The following ADAMTSL1 variants were observed in gnomAD, a reference collection of about 807,000 sequenced individuals.
The protein encoded by ADAMTSL1 is ADAMTS-like protein 1.
Under a neutral mutation model 201.8 loss-of-function variants are expected in ADAMTSL1, and 126 were observed. The ratio of observed to expected loss-of-function variants is 0.62; its 90% confidence interval spans 0.54 to 0.72. The LOEUF (loss-of-function observed/expected upper bound fraction) is 0.72. Among genes scored for constraint, ADAMTSL1 ranks in the 30% least tolerant of loss-of-function variants. The pLI is 0.00. For synonymous variants in ADAMTSL1, 1,121 were observed against 903.4 expected (o/e 1.24, Z -4.32); for missense variants, 2,679 against 2,277.8 (o/e 1.18, Z -3.59).
intron 1 of ADAMTSL1, among the ~76,000 whole-genome samples, chr9:18,010,221 T>C (rs991584299): frequency 6.6e-5 from 10 of 151,994 alleles, no homozygotes; most frequent in African/African-American, 2.2e-4. Context: ...TTCTTAAAGT[T>C]TAAGCATTAG....
At chr9:18,896,077 T>G (rs1280983564) in intron 26 of ADAMTSL1, among the ~76,000 whole-genome samples, 6 of 152,140 alleles carry the variant, frequency 3.9e-5, no homozygotes, top group Non-Finnish European at 8.8e-5. Flanking sequence ...AAACAGAGTC[T>G]AAAAGAGTTG....
chr9:18,704,443 G>A (rs547241593), intron 13 of ADAMTSL1, among the ~76,000 whole-genome samples: 4 of 152,222 alleles, frequency 2.6e-5, no homozygotes, highest in East Asian at 3.9e-4. Flanking sequence ...TTTCTGATTC[G>A]AAAACAAAGT....
chr9:18,097,850 C>T (rs1245454728), intron 1 of ADAMTSL1, among the ~76,000 whole-genome samples: 2 of 150,856 alleles, frequency 1.3e-5, no homozygotes, highest in African/African-American at 4.8e-5. Flanking sequence ...ACTTTTTTCT[C>T]TTTTATGGTT....
intron 19 of ADAMTSL1, among the ~76,000 whole-genome samples, chr9:18,794,721 C>T (rs939656615): frequency 6.6e-6 from 1 of 151,862 alleles, no homozygotes; most frequent in Non-Finnish European, 1.5e-5. Context: ...ACAACCTCTG[C>T]CCCCCACGTT....
intron 8 of ADAMTSL1, among the ~76,000 whole-genome samples, chr9:18,661,126 A>T (rs1453933634): frequency 2.0e-5 from 3 of 152,182 alleles, no homozygotes; most frequent in Non-Finnish European, 2.9e-5. Context: ...AGAAATCCAC[A>T]GGACAATAAA....
At chr9:18,557,929 C>T (rs1485543468) in intron 3 of ADAMTSL1, among the ~76,000 whole-genome samples, 1 of 151,906 alleles carries the variant, frequency 6.6e-6, no homozygotes, top group African/African-American at 2.4e-5. Context: ...TTAAAAAGCA[C>T]AGAGGAATGG....
chr9:17,986,702 C>T (rs541415820), intron 1 of ADAMTSL1, among the ~76,000 whole-genome samples: 3 of 152,142 alleles, frequency 2.0e-5, no homozygotes, highest in Non-Finnish European at 4.4e-5. Flanking sequence ...TGCTAGCAAA[C>T]CCTAACTGAC....
intron 2 of ADAMTSL1, among the ~76,000 whole-genome samples, chr9:18,324,872 T>A (rs1336963932): frequency 6.6e-6 from 1 of 151,914 alleles, no homozygotes; most frequent in African/African-American, 2.4e-5. Context: ...ATATGTACAA[T>A]ACATATCTGA....
Position 18,886,166 on chromosome 9 carries a change from GTATATATATATATATATA to G in ADAMTSL1, c.4250-1636_4250-1619del, listed in dbSNP as rs751978972. The stretch of plus-strand genomic sequence containing the variant: ...TATATATACATGTGAGTGTGTATGT[GTATATATATATATATATA>G]TATATATATATATATATATATATAT... On this transcript the variant is annotated intron_variant, in intron 23 of 28. Transcript: ENST00000380548. Among the ~76,000 whole-genome samples the G allele has an allele frequency of 4.3e-4, 16 of 37,146 alleles. 1 individual carries two copies. The highest frequency in any genetic ancestry group is 1.9e-3 in the South Asian group (2 of 1,038). 24.4% of individuals were successfully genotyped at this position (37,146 alleles called of 152,430 possible).
rs143308386 is a variant in ADAMTSL1 at position 18,709,283 on chromosome 9, G to A, written c.1876+2235G>A. The stretch of plus-strand genomic sequence containing the variant: ...CGTGTATATTTTCAAGTCTTTGTTC[G>A]ACAGTAACATTTTACTGTATTATCA... On this transcript the variant is annotated intron_variant, in intron 14 of 28. Coordinates refer to ENST00000380548, the MANE Select transcript of ADAMTSL1 (RefSeq NM_001040272.6). Among the ~76,000 whole-genome samples the A allele has an allele frequency of 5.4e-3, 818 of 152,154 alleles. 6 individuals carry two copies. Among genetic ancestry groups the A allele is most frequent in the African/African-American group, 0.019 (775 of 41,526 alleles).
chr9:18,481,127 C>A (rs1285983311), intron 1 of ADAMTSL1, among the ~76,000 whole-genome samples: 2 of 152,190 alleles, frequency 1.3e-5, no homozygotes, highest in Admixed American at 1.3e-4. Context: ...AACAGACTCA[C>A]AAAGGCAAAG....
chr9:17,960,797 C>A (rs1375027099), intron 1 of ADAMTSL1, among the ~76,000 whole-genome samples: 1 of 152,144 alleles, frequency 6.6e-6, no homozygotes, highest in Non-Finnish European at 1.5e-5. Context: ...TACATTTTCC[C>A]AGAGCCTTCC....
chr9:18,142,350 A>G (rs1219080560), intron 1 of ADAMTSL1, among the ~76,000 whole-genome samples: 1 of 152,208 alleles, frequency 6.6e-6, no homozygotes, highest in East Asian at 1.9e-4. Context: ...GTGCTAACAA[A>G]GGACAAAGAA....
At chr9:18,442,836 C>G (rs900542930) in intron 2 of ADAMTSL1, among the ~76,000 whole-genome samples, 10 of 152,190 alleles carry the variant, frequency 6.6e-5, no homozygotes, top group African/African-American at 2.4e-4. Flanking sequence ...GTCATTTGGT[C>G]GGTGCTGCCC....
At chr9:18,364,639 C>A (rs964714261) in intron 2 of ADAMTSL1, among the ~76,000 whole-genome samples, 29 of 135,918 alleles carry the variant, frequency 2.1e-4, no homozygotes, top group Non-Finnish European at 3.2e-4. Flanking sequence ...TGTATTAGGT[C>A]ATTCTTGTAC....
chr9:18,067,028 CCTAATG>C (rs754523713), intron 1 of ADAMTSL1, among the ~76,000 whole-genome samples: 5 of 151,966 alleles, frequency 3.3e-5, no homozygotes, highest in Non-Finnish European at 7.4e-5. Flanking sequence ...AGGAGATATA[CCTAATG>C]CTAAATGACG....
intron 23 of ADAMTSL1, among the ~76,000 whole-genome samples, chr9:18,838,781 C>T (rs1031853983): frequency 1.3e-4 from 19 of 151,706 alleles, no homozygotes; most frequent in African/African-American, 4.6e-4. Context: ...ATCACATGAG[C>T]CCTGGAGGGA....
intron 2 of ADAMTSL1, 82 bp downstream of exon 2, chr9:18,505,038 A>C (rs1317529461): frequency 6.7e-7 from 1 of 1,493,638 alleles, no homozygotes; most frequent in Admixed American, 2.5e-5. Context: ...GGGTTTATGG[A>C]GAACATTTTG....
chr9:18,600,045 G>A (rs1207413336), intron 4 of ADAMTSL1, among the ~76,000 whole-genome samples: 1 of 147,900 alleles, frequency 6.8e-6, no homozygotes, highest in Non-Finnish European at 1.5e-5. Flanking sequence ...CATTTGGTCT[G>A]TACTCCAATA....
Sources: gnomAD v4.1 joint callset for allele counts (sites outside exome capture counted in the v4.1 genomes callset) on GRCh38, gnomAD v4.1.1 for gene constraint, MANE v1.5 for transcripts, NCBI Gene and HGNC (gene_info 2026-07-23, HGNC 2026-07-21) for gene names.